LRRC7: variants seen among roughly 807,000 people sequenced by gnomAD.
The protein encoded by LRRC7 is leucine-rich repeat-containing protein 7.
LRRC7 carries 23 observed loss-of-function variants against 175.7 expected under a neutral mutation model. The ratio of observed to expected loss-of-function variants is 0.13; its 90% confidence interval spans 0.09 to 0.19. The LOEUF (loss-of-function observed/expected upper bound fraction) is 0.19, where lower values mean the gene tolerates loss of function less well. LRRC7 is among the 10% of genes least tolerant of loss of function. LRRC7 has a pLI of 1.00. For synonymous variants in LRRC7, 685 were observed against 680.9 expected (o/e 1.01, Z -0.09); for missense variants, 1,354 against 1,904.7 (o/e 0.71, Z 5.38).
In LRRC7 at chr1:70,041,844, G is replaced by C. The variant is rs573698151; in HGVS notation, c.3969+2051G>C. Among the ~76,000 whole-genome samples, 41 of 152,332 alleles carry C rather than the reference G, an allele frequency of 2.7e-4. No individual in the cohort carries two copies. The South Asian group carries it at 8.1e-3, about 30-fold the overall frequency. On this transcript the variant is annotated intron_variant, in intron 21 of 26. Coordinates refer to ENST00000651989, the MANE Select transcript of LRRC7 (RefSeq NM_001370785.2). The stretch of plus-strand genomic sequence containing the variant: ...TGAAAAGTGGGCGACTCCTCTAGAT[G>C]AAGCAAGAATTTTAAGCAGGAATAT...
chr1:70,125,915 C>T lies in LRRC7; in HGVS notation c.*4028C>T, dbSNP rs1666436973. Among the ~76,000 whole-genome samples, 1 of 150,508 alleles carries T rather than the reference C, an allele frequency of 6.6e-6. No individual in the cohort carries two copies. The highest frequency in any genetic ancestry group is 2.4e-5 in the African/African-American group (1 of 40,954). ...TGTCAAAATGGTTAGATGAAAGAAACCAAAAAAACCATTTTATTTTTAATC... is the reference window on the plus strand; with the variant it reads ...TGTCAAAATGGTTAGATGAAAGAAATCAAAAAAACCATTTTATTTTTAATC... On this transcript the variant is annotated 3_prime_UTR_variant, in exon 27 of 27. Transcript: ENST00000651989.
At chr1:69,678,341 AAAAAG>A in intron 1 of LRRC7, 35 bp from the exon 2 acceptor site, 1 of 1,382,830 alleles carries the variant, frequency 7.2e-7, no homozygotes, top group Non-Finnish European at 1.0e-6. Context: ...TTTATCCAAA[AAAAAG>A]AGTATGAAAA....
intron 2 of LRRC7, among the ~76,000 whole-genome samples, chr1:69,742,213 A>C (rs1668788611): frequency 1.3e-5 from 2 of 152,072 alleles, no homozygotes; most frequent in Non-Finnish European, 2.9e-5. Flanking sequence ...GAACAATCCC[A>C]GTCAAAAATT....
chr1:69,738,004 C>T lies in LRRC7; in HGVS notation c.101-22187C>T, dbSNP rs865862926. On this transcript the variant is annotated intron_variant, in intron 2 of 26. Transcript: ENST00000651989. ...GGGAATTTGATTGTGGACTCTATTG[C>T]ACTTGTCAAATAGGAAATCTGACTA... 9.2e-5 allele frequency among the ~76,000 whole-genome samples: 14 copies of T among 152,098 alleles called. No individual in the cohort carries two copies. In the Middle Eastern group the frequency reaches 0.01, roughly 111 times the overall value.
chr1:69,897,756 C>A (rs867580420), intron 7 of LRRC7, among the ~76,000 whole-genome samples: 15 of 152,100 alleles, frequency 9.9e-5, no homozygotes, highest in Non-Finnish European at 1.9e-4. Flanking sequence ...AACATGGATA[C>A]CAATACATAT....
chr1:69,897,783 G>T (rs898266574), intron 7 of LRRC7, among the ~76,000 whole-genome samples: 1 of 152,160 alleles, frequency 6.6e-6, no homozygotes, highest in African/African-American at 2.4e-5. Flanking sequence ...TAGCACGATT[G>T]AACATGCCAT....
At chr1:69,777,938 C>G (rs1324835137) in intron 3 of LRRC7, among the ~76,000 whole-genome samples, 1 of 152,172 alleles carries the variant, frequency 6.6e-6, no homozygotes, top group Non-Finnish European at 1.5e-5. Context: ...TTACCTGTCT[C>G]TTCTCTAACT....
intron 8 of LRRC7, among the ~76,000 whole-genome samples, chr1:69,932,223 T>C (rs991303519): frequency 6.6e-6 from 1 of 152,216 alleles, no homozygotes. Context: ...AGTCTTCCAC[T>C]TGAATATCTC....
intron 23 of LRRC7, among the ~76,000 whole-genome samples, chr1:70,063,597 A>G (rs1241120887): frequency 6.6e-6 from 1 of 152,062 alleles, no homozygotes; most frequent in Non-Finnish European, 1.5e-5. Flanking sequence ...TGTCAAAATG[A>G]TAAGATTCCA....
intron 7 of LRRC7, chr1:69,873,827 A>G (rs559388462): frequency 6.4e-6 from 1 of 155,796 alleles, no homozygotes; most frequent in South Asian, 1.9e-4. Flanking sequence ...TCTCAGAAAA[A>G]CATTAATACC....
At chr1:69,997,719 A>G (rs1230984886) in intron 11 of LRRC7, among the ~76,000 whole-genome samples, 2 of 149,342 alleles carry the variant, frequency 1.3e-5, no homozygotes, top group African/African-American at 2.5e-5. Flanking sequence ...ATTTGCATAT[A>G]TTGAACCAGC....
At chr1:69,843,412 A>G (rs1421471635) in intron 7 of LRRC7, among the ~76,000 whole-genome samples, 1 of 152,092 alleles carries the variant, frequency 6.6e-6, no homozygotes, top group African/African-American at 2.4e-5. Flanking sequence ...TCATCTGTGA[A>G]GTTTTTTAAT....
At chr1:69,717,320 A>G (rs1276951761) in intron 2 of LRRC7, among the ~76,000 whole-genome samples, 4 of 151,784 alleles carry the variant, frequency 2.6e-5, no homozygotes, top group Admixed American at 1.3e-4. Flanking sequence ...AAAAAAAATT[A>G]TATAAACCAA....
chr1:69,920,007 C>T, intron 7 of LRRC7: 1 of 478,318 alleles, frequency 2.1e-6, no homozygotes, highest in Non-Finnish European at 3.7e-6. Context: ...CTGGGGTTCC[C>T]CACTCCCTGT....
intron 7 of LRRC7, among the ~76,000 whole-genome samples, chr1:69,908,522 C>A (rs1646403454): frequency 1.3e-5 from 2 of 152,070 alleles, no homozygotes; most frequent in South Asian, 4.1e-4. Context: ...TGTTATGTAT[C>A]CAGTAGTCAT....
At chr1:69,633,282 C>T (rs552571849) in intron 1 of LRRC7, among the ~76,000 whole-genome samples, 4 of 152,054 alleles carry the variant, frequency 2.6e-5, no homozygotes, top group African/African-American at 9.6e-5. Flanking sequence ...AACACTTATA[C>T]AGATTATATG....
At position 70,038,157 on chromosome 1, in the gene LRRC7, T is replaced by A; in HGVS notation, c.2333T>A (p.Leu778His). The A allele has an allele frequency of 6.2e-7, 1 of 1,613,480 alleles. No individual in the cohort carries two copies. The highest frequency in any genetic ancestry group is 8.5e-7 in the Non-Finnish European group (1 of 1,179,686). ...CAGCCTCTTGATTCAAAGCCATTAC[T>A]CAGCCAGCGGGAGGCTGTTCCCCCA... ...FPQPLDSKPL[L>H]SQREAVPPGN... Residue 778 changes from leucine (L) to histidine (H), a missense_variant, in exon 21 of 27, where the codon CTC (leucine) becomes CAC (histidine). By Grantham distance (99) the Leu-to-His change is moderately conservative. This residue lies in a region of LRRC7 where 1,032 missense variants were observed against 1,227.2 expected (regional missense o/e 0.84). Coordinates refer to ENST00000651989, the MANE Select transcript of LRRC7 (RefSeq NM_001370785.2).
intron 4 of LRRC7, among the ~76,000 whole-genome samples, chr1:69,816,223 C>T (rs1207789267): frequency 6.6e-6 from 1 of 152,128 alleles, no homozygotes; most frequent in Non-Finnish European, 1.5e-5. Flanking sequence ...AGCAATCCGC[C>T]CGCCTCAGCC....
chr1:69,953,902 G>T (rs959108667), intron 8 of LRRC7, among the ~76,000 whole-genome samples: 1 of 152,046 alleles, frequency 6.6e-6, no homozygotes, highest in Non-Finnish European at 1.5e-5. Flanking sequence ...TTCTCTAGAT[G>T]ATTCTTATCT....
Sources: allele counts gnomAD v4.1 joint callset (sites outside exome capture counted in the v4.1 genomes callset), GRCh38; gene constraint gnomAD v4.1.1; regional missense constraint gnomAD v4.1.1; transcripts MANE v1.5; gene names NCBI Gene and HGNC (gene_info 2026-07-23, HGNC 2026-07-21).